TXNDC16: variants seen among roughly 807,000 people sequenced by gnomAD.
The protein encoded by TXNDC16 is thioredoxin domain containing 16.
In TXNDC16, 74 loss-of-function variants were observed where a neutral mutation model predicts 85.6. The ratio of observed to expected loss-of-function variants is 0.86; its 90% confidence interval spans 0.72 to 1.05. The LOEUF is 1.05. TXNDC16 is among the 50% of genes least tolerant of loss of function. TXNDC16 has a pLI of 0.00. For missense variants in TXNDC16, 959 were observed against 947.0 expected (o/e 1.01, Z -0.17); for synonymous variants, 335 against 326.5 (o/e 1.03, Z -0.28).
intron 6 of TXNDC16, among the ~76,000 whole-genome samples, chr14:52,536,515 G>A (rs928858027): frequency 2.6e-5 from 4 of 152,156 alleles, no homozygotes; most frequent in African/African-American, 9.7e-5. Flanking sequence ...TCTTATAAAA[G>A]TATCTCCATG....
At chr14:52,517,175 C>T (rs2037102930) in intron 7 of TXNDC16, among the ~76,000 whole-genome samples, 1 of 152,104 alleles carries the variant, frequency 6.6e-6, no homozygotes, top group African/African-American at 2.4e-5. Context: ...TCTTCTCTTT[C>T]CCTCTAATTA....
intron 9 of TXNDC16, among the ~76,000 whole-genome samples, chr14:52,498,550 A>G (rs1003285126): frequency 5.3e-5 from 8 of 152,132 alleles, no homozygotes. Context: ...TAAAATTAAG[A>G]AAATAATCCC....
At chr14:52,514,840 A>T (rs745544100) in intron 8 of TXNDC16, 40 bp downstream of exon 8, 4 of 1,504,300 alleles carry the variant, frequency 2.7e-6, no homozygotes, top group Non-Finnish European at 3.6e-6. Flanking sequence ...AGAAGAAAAA[A>T]AAAACCTTTA....
chr14:52,493,476 T>C (rs1458062468), intron 9 of TXNDC16, among the ~76,000 whole-genome samples: 1 of 151,490 alleles, frequency 6.6e-6, no homozygotes, highest in Non-Finnish European at 1.5e-5. Flanking sequence ...AGACACTGGA[T>C]CCATAAAGAA....
intron 20 of TXNDC16, among the ~76,000 whole-genome samples, chr14:52,438,097 T>A (rs962706000): frequency 1.3e-5 from 2 of 152,192 alleles, no homozygotes; most frequent in African/African-American, 4.8e-5. Flanking sequence ...ATGCTTCTCA[T>A]GAATAAGCAA....
chr14:52,463,046 A>G (rs1374665403), intron 16 of TXNDC16: 3 of 453,386 alleles, frequency 6.6e-6, no homozygotes, highest in Middle Eastern at 3.8e-4. Flanking sequence ...TGAAGTTCAT[A>G]CTACCTACAA....
chr14:52,509,264 G>T (rs1457880930), intron 9 of TXNDC16, among the ~76,000 whole-genome samples: 1 of 152,056 alleles, frequency 6.6e-6, no homozygotes, highest in Non-Finnish European at 1.5e-5. Context: ...GTAAAGCTAG[G>T]TATGAGTCCT....
chr14:52,513,847 G>C (rs2037015160), intron 8 of TXNDC16, among the ~76,000 whole-genome samples: 1 of 152,020 alleles, frequency 6.6e-6, no homozygotes, highest in Admixed American at 6.6e-5. Context: ...GGTAAGATGA[G>C]AGAATACAAA....
chr14:52,456,714 TAC>T (rs1368412486), intron 17 of TXNDC16, among the ~76,000 whole-genome samples: 3 of 152,164 alleles, frequency 2.0e-5, no homozygotes, highest in African/African-American at 7.2e-5. Context: ...CTGATTTTTA[TAC>T]ACACACGTAC....
At chr14:52,515,701 G>A (rs180811151) in intron 7 of TXNDC16, among the ~76,000 whole-genome samples, 2,106 of 141,178 alleles carry the variant, frequency 0.015, 40 homozygotes, top group African/African-American at 0.053. Flanking sequence ...GTGTGTGTGT[G>A]TGTGTGTGTA....
rs535210990 is a variant in TXNDC16 at position 52,448,714 on chromosome 14, AACC to A, written c.1842+6607_1842+6609del. Among the ~76,000 whole-genome samples, 54 of 152,260 alleles carry A rather than the reference AACC, an allele frequency of 3.5e-4. 2 individuals carry two copies. In the South Asian group the frequency reaches 0.011, roughly 30 times the overall value. ...AAACAATGGACCAATCAAAAATAAT[AACC>A]ACAACAATTTTTCAAGACACAGATG... On this transcript the variant is annotated intron_variant, in intron 18 of 20. Transcript: ENST00000281741.
At chr14:52,509,452 C>A (rs2036900123) in intron 9 of TXNDC16, among the ~76,000 whole-genome samples, 1 of 151,592 alleles carries the variant, frequency 6.6e-6, no homozygotes. Context: ...AGAGGGTATT[C>A]TCCCAACATG....
chr14:52,443,536 T>C (rs928329262), intron 18 of TXNDC16, among the ~76,000 whole-genome samples: 1 of 152,190 alleles, frequency 6.6e-6, no homozygotes, highest in Admixed American at 6.5e-5. Context: ...GACTGAGGTG[T>C]GTGCTTGAGC....
chr14:52,510,810 T>C (rs1209811377), intron 9 of TXNDC16, among the ~76,000 whole-genome samples: 1 of 152,202 alleles, frequency 6.6e-6, no homozygotes, highest in Admixed American at 6.5e-5. Flanking sequence ...AACTGGAGCA[T>C]CAGAAATCCT....
At chr14:52,522,643 A>G (rs1383421704) in intron 6 of TXNDC16, among the ~76,000 whole-genome samples, 1 of 152,256 alleles carries the variant, frequency 6.6e-6, no homozygotes, top group African/African-American at 2.4e-5. Context: ...TCCAATGCTC[A>G]GCAATAATGC....
chr14:52,445,650 T>C (rs1328545019), intron 18 of TXNDC16, among the ~76,000 whole-genome samples: 1 of 152,228 alleles, frequency 6.6e-6, no homozygotes, highest in South Asian at 2.1e-4. Context: ...TGTAAGATGG[T>C]GGTCCCATAA....
chr14:52,470,052 G>T lies in TXNDC16; in HGVS notation c.1603C>A (p.Pro535Thr). The T allele has an allele frequency of 6.2e-7, 1 of 1,609,022 alleles. No individual in the cohort carries two copies. The highest frequency in any genetic ancestry group is 8.5e-7 in the Non-Finnish European group (1 of 1,178,242). Reference protein sequence around the residue: ...SSVSVLGLFSPTMKTAKEDFS... With the variant: ...SSVSVLGLFSTTMKTAKEDFS... ...CTCTGCTTACCTGTTTTCATGGTTG[G>T]ACTAAATAGTCCCAATACTGACACA... The change falls in exon 16 of 21, where the codon CCA becomes ACA. Residue 535 changes from proline to threonine, a missense_variant. Physicochemically the swap from Pro to Thr is conservative, Grantham distance 38. Coordinates refer to ENST00000281741, the MANE Select transcript of TXNDC16 (RefSeq NM_020784.3).
chr14:52,517,107 G>GTA (rs902611705), intron 7 of TXNDC16, among the ~76,000 whole-genome samples: 15 of 152,012 alleles, frequency 9.9e-5, no homozygotes, highest in African/African-American at 3.6e-4. Flanking sequence ...AGCTCACTCT[G>GTA]TATAGCACAC....
chr14:52,493,761 C>T (rs921654611), intron 9 of TXNDC16, among the ~76,000 whole-genome samples: 2 of 152,046 alleles, frequency 1.3e-5, no homozygotes, highest in African/African-American at 4.8e-5. Context: ...GATGCATTCT[C>T]CTAAACTTTC....
Sources: gnomAD v4.1 joint callset for allele counts (sites outside exome capture counted in the v4.1 genomes callset) on GRCh38, gnomAD v4.1.1 for gene constraint, MANE v1.5 for transcripts, NCBI Gene and HGNC (gene_info 2026-07-23, HGNC 2026-07-21) for gene names.